The following MOB1B variants were observed in gnomAD, a reference collection of about 807,000 sequenced individuals.
The protein encoded by MOB1B is MOB1 Mps One Binder homolog B.
Under a neutral mutation model 24.4 loss-of-function variants are expected in MOB1B, and 19 were observed. That is an observed-to-expected ratio of 0.78 (90% CI 0.54 to 1.14). The LOEUF is 1.14. MOB1B is among the 50% of genes most tolerant of loss of function. MOB1B has a pLI of 0.00. For missense variants in MOB1B, 243 were observed against 259.6 expected (o/e 0.94, Z 0.44); for synonymous variants, 76 against 82.1 (o/e 0.93, Z 0.40).
intron 1 of MOB1B, among the ~76,000 whole-genome samples, chr4:70,923,822 C>T (rs1030594976): frequency 4.0e-5 from 6 of 151,420 alleles, no homozygotes; most frequent in Non-Finnish European, 7.4e-5. Flanking sequence ...TGGTCGTGGG[C>T]GCCTGTAGTC....
chr4:70,942,324 T>A (rs1054153713), intron 1 of MOB1B, among the ~76,000 whole-genome samples: 3 of 151,780 alleles, frequency 2.0e-5, no homozygotes, highest in Non-Finnish European at 2.9e-5. Context: ...ATTAAATATT[T>A]AATATTTAAT....
At chr4:70,926,319 A>G (rs1257048601) in intron 1 of MOB1B, among the ~76,000 whole-genome samples, 2 of 150,052 alleles carry the variant, frequency 1.3e-5, no homozygotes, top group African/African-American at 2.5e-5. Flanking sequence ...ACAGTGGCCT[A>G]TGAGTGAGGA....
chr4:70,982,282 G>C lies in MOB1B; in HGVS notation c.*225G>C, dbSNP rs1220099579. 1 of 348,236 alleles carries C rather than the reference G, an allele frequency of 2.9e-6. No homozygotes were observed. Among genetic ancestry groups the C allele is most frequent in the African/African-American group, 2.1e-5 (1 of 47,214 alleles). The allele number at this position is 348,236 out of a possible 1,614,324, so 21.6% of individuals were successfully genotyped here. ...ACTTGATAAGGGTAAATTTATCTTA[G>C]TGTTTTTAAACTTGGTTTTGGTTAC... is the stretch of plus-strand genomic sequence containing the variant. On this transcript the variant is annotated 3_prime_UTR_variant, in exon 6 of 6. Coordinates refer to ENST00000309395, the MANE Select transcript of MOB1B (RefSeq NM_173468.4).
At chr4:70,951,273 T>G (rs1737792289) in intron 1 of MOB1B, among the ~76,000 whole-genome samples, 1 of 152,132 alleles carries the variant, frequency 6.6e-6, no homozygotes, top group African/African-American at 2.4e-5. Context: ...TGTGGAAAAG[T>G]TGTCTTCCGT....
rs755320738 is a variant in MOB1B, at chr4:70,969,957, A to G, written c.208A>G (p.Met70Val). 4 of 1,606,636 alleles carry G rather than the reference A, an allele frequency of 2.5e-6. No homozygotes were observed. The highest frequency in any genetic ancestry group is 3.4e-6 in the Non-Finnish European group (4 of 1,175,776). The stretch of plus-strand genomic sequence containing the variant: ...TGTGGATTTCTTCAATCAGATCAAC[A>G]TGCTTTATGGAACTATCACAGACTT... ...NTVDFFNQIN[M>V]LYGTITDFCT... is the part of the protein sequence containing the mutation. The change falls in exon 3 of 6, where the codon ATG (methionine) becomes GTG (valine). Residue 70 changes from methionine (M) to valine (V), a missense_variant. By Grantham distance (21) the Met-to-Val change is conservative. Transcript: ENST00000309395.
At chr4:70,933,359 A>T (rs186957422) in intron 1 of MOB1B, among the ~76,000 whole-genome samples, 1 of 152,276 alleles carries the variant, frequency 6.6e-6, no homozygotes, top group African/African-American at 2.4e-5. Flanking sequence ...TAGGTTTTAA[A>T]AACAGAGCAG....
rs537768441 is a variant in MOB1B, at chr4:70,910,943, A to G, written c.14+8393A>G. Among the ~76,000 whole-genome samples, 7 of 152,246 alleles carry G rather than the reference A, an allele frequency of 4.6e-5. No individual in the cohort carries two copies. The East Asian group carries it at 1.4e-3, about 29-fold the overall frequency. Reference sequence around the variant, plus strand: ...GCTGGGACTACAGGTGCCCGCCACCACGCCTGGCTAATTTTTGTACTTTTA... The same window carrying G: ...GCTGGGACTACAGGTGCCCGCCACCGCGCCTGGCTAATTTTTGTACTTTTA... On this transcript the variant is annotated intron_variant, in intron 1 of 5. Coordinates refer to ENST00000309395, the MANE Select transcript of MOB1B (RefSeq NM_173468.4).
chr4:70,950,351 G>T (rs191361755), intron 1 of MOB1B, among the ~76,000 whole-genome samples: 1 of 149,804 alleles, frequency 6.7e-6, no homozygotes, highest in Non-Finnish European at 1.5e-5. Flanking sequence ...CAGGAGAATC[G>T]CTTGAACCCA....
intron 2 of MOB1B, among the ~76,000 whole-genome samples, chr4:70,964,130 T>G (rs114882768): frequency 0.011 from 1,667 of 152,284 alleles, 33 homozygotes; most frequent in African/African-American, 0.037. Flanking sequence ...TTAATATTAG[T>G]CGACTGAACT....
At chr4:70,947,859 T>C (rs1316835166) in intron 1 of MOB1B, among the ~76,000 whole-genome samples, 1 of 152,198 alleles carries the variant, frequency 6.6e-6, no homozygotes, top group African/African-American at 2.4e-5. Flanking sequence ...TCTGCCTACC[T>C]TGGCCTCCCA....
At chr4:70,963,937 G>C (rs1738413962) in intron 2 of MOB1B, among the ~76,000 whole-genome samples, 1 of 152,120 alleles carries the variant, frequency 6.6e-6, no homozygotes, top group South Asian at 2.1e-4. Flanking sequence ...TACAGATATA[G>C]AATGGTTGAA....
At chr4:70,976,135 C>T in intron 4 of MOB1B, 1 of 829,994 alleles carries the variant, frequency 1.2e-6, no homozygotes, top group Non-Finnish European at 1.5e-6. Context: ...CTCCTGACCT[C>T]AAGTGATCTA....
At chr4:70,949,242 A>T (rs960034482) in intron 1 of MOB1B, among the ~76,000 whole-genome samples, 1 of 152,226 alleles carries the variant, frequency 6.6e-6, no homozygotes, top group Non-Finnish European at 1.5e-5. Flanking sequence ...TTTCTTACTC[A>T]CTTAATGGTA....
intron 1 of MOB1B, among the ~76,000 whole-genome samples, chr4:70,911,710 C>T (rs1182696505): frequency 6.6e-6 from 1 of 152,082 alleles, no homozygotes; most frequent in Non-Finnish European, 1.5e-5. Flanking sequence ...GTGTCTAATA[C>T]ATGTAGCACT....
At position 70,984,658 on chromosome 4, in the gene MOB1B, A is replaced by C. The variant is rs1400577606; in HGVS notation, c.*2601A>C. On this transcript the variant is annotated 3_prime_UTR_variant, in exon 6 of 6. Coordinates refer to ENST00000309395, the MANE Select transcript of MOB1B (RefSeq NM_173468.4). The stretch of plus-strand genomic sequence containing the variant: ...TAACATAGTATTATTGTCACACACA[A>C]TGCTTTTTTTGGTTAAATGTTGATA... 6.6e-6 allele frequency: 1 copy of C among 152,208 alleles called. No homozygotes were observed. Among genetic ancestry groups the C allele is most frequent in the African/African-American group, 2.4e-5 (1 of 41,466 alleles). The allele number at this position is 152,208 out of a possible 1,614,324, so 9.4% of individuals were successfully genotyped here. A position where few individuals can be genotyped will look rare whatever the true frequency, so the allele number is the denominator to read the frequency against.
At chr4:70,955,144 C>T (rs1560653593) in intron 1 of MOB1B, among the ~76,000 whole-genome samples, 1 of 152,044 alleles carries the variant, frequency 6.6e-6, no homozygotes, top group African/African-American at 2.4e-5. Context: ...ATCAAGAAAA[C>T]ATTGGAAGCC....
chr4:70,927,351 C>T (rs988230968), intron 1 of MOB1B, among the ~76,000 whole-genome samples: 1 of 152,040 alleles, frequency 6.6e-6, no homozygotes, highest in Non-Finnish European at 1.5e-5. Context: ...CCAGCCTGGC[C>T]AACATGATGA....
Position 70,908,966 on chromosome 4 carries a change from G to T in MOB1B, c.14+6416G>T, listed in dbSNP as rs1221170536. On this transcript the variant is annotated intron_variant, in intron 1 of 5. Transcript: ENST00000309395. ...CTCGGGAGGCTGAGGCAGGAAAATT[G>T]TTTGAACCTGGGAGGCGGAGGTTGC... Among the ~76,000 whole-genome samples the T allele has an allele frequency of 2.0e-5, 3 of 150,806 alleles. No individual in the cohort carries two copies. The Admixed American group carries it at 2.0e-4, about 10-fold the overall frequency.
chr4:70,967,413 C>T (rs1259064146), intron 2 of MOB1B, among the ~76,000 whole-genome samples: 1 of 152,110 alleles, frequency 6.6e-6, no homozygotes, highest in African/African-American at 2.4e-5. Flanking sequence ...GGATTACAGG[C>T]GTGAGCCACC....
Sources: gnomAD v4.1 joint callset for allele counts (sites outside exome capture counted in the v4.1 genomes callset) on GRCh38, gnomAD v4.1.1 for gene constraint, MANE v1.5 for transcripts, NCBI Gene and HGNC (gene_info 2026-07-23, HGNC 2026-07-21) for gene names.